SAMD5: variants seen among roughly 807,000 people sequenced by gnomAD.
The protein encoded by SAMD5 is sterile alpha motif domain containing 5.
A neutral mutation model predicts 11.3 loss-of-function variants in SAMD5; 13 were observed. That is an observed-to-expected ratio of 1.15 (90% CI 0.75 to 1.83). SAMD5 has a LOEUF of 1.83. Ranked by LOEUF, SAMD5 falls within the 40% of genes most tolerant of loss-of-function variation. The pLI is 0.00. For missense variants in SAMD5, 255 were observed against 239.1 expected (o/e 1.07, Z -0.44); for synonymous variants, 129 against 111.3 (o/e 1.16, Z -1.00).
the SAMD5 span, among the ~76,000 whole-genome samples, chr6:147,751,162 T>G: frequency 6.6e-6 from 1 of 152,132 alleles, no homozygotes; most frequent in Non-Finnish European, 1.5e-5. Flanking sequence ...AAAGTTCTCT[T>G]GTCGAGACCC....
rs541040532 is a variant in SAMD5, at chr6:147,697,619, T to TA, written c.163-39691dup. ...TGCAGCTTAACAATAAAAAAATCTA[T>TA]AAAAAAACTAAACTAAAACTAGGGG... On this transcript the variant is annotated intron_variant, in intron 1 of 1. Transcript: ENST00000566741. Among the ~76,000 whole-genome samples, 29 of 152,124 alleles carry TA rather than the reference T, an allele frequency of 1.9e-4. 1 individual carries two copies. Among genetic ancestry groups the TA allele is most frequent in the Non-Finnish European group, 1.2e-4 (8 of 67,994 alleles).
At chr6:147,594,044 G>A (rs1448936928) in intron 1 of SAMD5, among the ~76,000 whole-genome samples, 6 of 151,824 alleles carry the variant, frequency 4.0e-5, no homozygotes, top group Non-Finnish European at 7.4e-5. Context: ...CAGGAGAATC[G>A]CTTGAACCTG....
At chr6:147,527,031 G>T (rs1788353351) in intron 1 of SAMD5, among the ~76,000 whole-genome samples, 1 of 152,094 alleles carries the variant, frequency 6.6e-6, no homozygotes, top group African/African-American at 2.4e-5. Flanking sequence ...TTTATCCATA[G>T]TCACCCCTTT....
the SAMD5 span, among the ~76,000 whole-genome samples, chr6:147,909,560 TTTTCTTTCTTTC>T: frequency 0.01 from 799 of 78,888 alleles, 7 homozygotes; most frequent in East Asian, 0.029. Context: ...CATCCATCTT[TTTTCTTTCTTTC>T]TTTCTTTCTT....
At chr6:147,605,400 C>T (rs1242764158) in intron 1 of SAMD5, among the ~76,000 whole-genome samples, 1 of 152,170 alleles carries the variant, frequency 6.6e-6, no homozygotes, top group Non-Finnish European at 1.5e-5. Flanking sequence ...TAAGTATGAA[C>T]CTCCATACCT....
intron 1 of SAMD5, among the ~76,000 whole-genome samples, chr6:147,640,031 A>C (rs1336205927): frequency 2.0e-5 from 3 of 152,292 alleles, no homozygotes; most frequent in Admixed American, 2.0e-4. Context: ...AAAAAGCTTC[A>C]TGGTAAAGAA....
chr6:147,864,045 T>C, the SAMD5 span, among the ~76,000 whole-genome samples: 6 of 151,964 alleles, frequency 3.9e-5, no homozygotes, highest in Admixed American at 6.5e-5. Flanking sequence ...GGTTTCACCA[T>C]GTTGGCCAGG....
the SAMD5 span, among the ~76,000 whole-genome samples, chr6:147,927,655 A>G: frequency 2.0e-5 from 3 of 152,122 alleles, no homozygotes; most frequent in African/African-American, 7.2e-5. Context: ...GGATGCCTGT[A>G]TTTCTTTCTC....
At chr6:147,626,791 G>GAAAGAAAA (rs1790057114) in intron 1 of SAMD5, among the ~76,000 whole-genome samples, 1 of 54,718 alleles carries the variant, frequency 1.8e-5, no homozygotes, top group Non-Finnish European at 3.7e-5. Flanking sequence ...CTGTTTCTAT[G>GAAAGAAAA]AAAAAAAAAA....
chr6:147,909,602 TTCTTTC>T, the SAMD5 span, among the ~76,000 whole-genome samples: 1 of 57,490 alleles, frequency 1.7e-5, no homozygotes, highest in African/African-American at 9.5e-5. Flanking sequence ...CTTTCTTTCT[TTCTTTC>T]TTTCTTTCTT....
At chr6:147,874,591 C>A in the SAMD5 span, among the ~76,000 whole-genome samples, 1 of 145,904 alleles carries the variant, frequency 6.9e-6, no homozygotes, top group Admixed American at 7.0e-5. Context: ...TTTAAGTCCA[C>A]AGCAAAGACA....
chr6:147,761,425 G>GAT, the SAMD5 span, among the ~76,000 whole-genome samples: 1 of 151,810 alleles, frequency 6.6e-6, no homozygotes, highest in African/African-American at 2.4e-5. Flanking sequence ...AAGAGACTAA[G>GAT]GTATATAAAA....
chr6:147,827,726 C>G, the SAMD5 span, among the ~76,000 whole-genome samples: 1 of 152,130 alleles, frequency 6.6e-6, no homozygotes, highest in African/African-American at 2.4e-5. Context: ...AAAATGCTTC[C>G]CGAATATAGG....
chr6:147,529,696 A>G (rs1788398274), intron 1 of SAMD5, among the ~76,000 whole-genome samples: 1 of 152,098 alleles, frequency 6.6e-6, no homozygotes, highest in Admixed American at 6.5e-5. Context: ...CTTCATCTCC[A>G]CCTCTAAGTA....
At chr6:147,602,699 G>A (rs1031243981) in intron 1 of SAMD5, among the ~76,000 whole-genome samples, 2 of 152,086 alleles carry the variant, frequency 1.3e-5, no homozygotes, top group African/African-American at 4.8e-5. Context: ...AGCCAAGATT[G>A]CACCACTGCA....
chr6:147,834,310 CAT>C, the SAMD5 span, among the ~76,000 whole-genome samples: 2 of 152,114 alleles, frequency 1.3e-5, no homozygotes, highest in African/African-American at 4.8e-5. Flanking sequence ...AGTTGGGGTG[CAT>C]AGTCAGTCAT....
chr6:147,748,237 C>A, the SAMD5 span, among the ~76,000 whole-genome samples: 1 of 152,140 alleles, frequency 6.6e-6, no homozygotes, highest in African/African-American at 2.4e-5. Flanking sequence ...TCAAGGAGAC[C>A]AGTCTCTTGG....
chr6:147,605,738 A>G (rs1227491425), intron 1 of SAMD5, among the ~76,000 whole-genome samples: 1 of 152,196 alleles, frequency 6.6e-6, no homozygotes, highest in Non-Finnish European at 1.5e-5. Flanking sequence ...TTTATCATAC[A>G]GAAATCCAAG....
At chr6:147,928,325 T>C in the SAMD5 span, among the ~76,000 whole-genome samples, 1 of 152,298 alleles carries the variant, frequency 6.6e-6, no homozygotes, top group East Asian at 1.9e-4. Flanking sequence ...AGGCTAGTTA[T>C]TACTGATTCA....
Sources: gnomAD v4.1 joint callset for allele counts (sites outside exome capture counted in the v4.1 genomes callset) on GRCh38, gnomAD v4.1.1 for gene constraint, MANE v1.5 for transcripts, NCBI Gene and HGNC (gene_info 2026-07-23, HGNC 2026-07-21) for gene names.